CABIN1: variants seen among roughly 807,000 people sequenced by gnomAD.
The protein encoded by CABIN1 is calcineurin binding protein 1.
CABIN1 carries 133 observed loss-of-function variants against 227.7 expected under a neutral mutation model. That is an observed-to-expected ratio of 0.58 (90% confidence interval 0.51 to 0.67). The LOEUF is 0.67. Ranked by LOEUF, CABIN1 falls within the 30% of genes least tolerant of loss-of-function variation. CABIN1 has a pLI of 0.00. For missense variants in CABIN1, 2,408 were observed against 2,852.5 expected, an observed-to-expected ratio of 0.84 and a Z score of 3.55; for synonymous variants, 1,086 against 1,155.1, an observed-to-expected ratio of 0.94 and a Z score of 1.21.
intron 10 of CABIN1, among the ~76,000 whole-genome samples, chr22:24,057,084 C>T (rs758815527): frequency 2.0e-5 from 3 of 152,148 alleles, no homozygotes; most frequent in Non-Finnish European, 4.4e-5. Flanking sequence ...CTACAGGTGC[C>T]TGCCACCGCG....
chr22:24,021,324 T>C lies in CABIN1; in HGVS notation c.-75+9957T>C, dbSNP rs1388854107. Among the ~76,000 whole-genome samples, 4 of 151,920 alleles carry C rather than the reference T, an allele frequency of 2.6e-5. No homozygotes were observed. In the East Asian group the frequency reaches 5.8e-4, roughly 22 times the overall value. ...CATGAGCCACCAAGCCTGGCCATCA[T>C]TTTAAAATATTTTTGTAGAGACAGG... On this transcript the variant is annotated intron_variant, in intron 1 of 36. Transcript: ENST00000263119.
chr22:24,070,776 T>C, intron 16 of CABIN1, 24 bp from the exon 17 acceptor site: 1 of 1,614,072 alleles, frequency 6.2e-7, no homozygotes. Flanking sequence ...ACCGTGCACT[T>C]CACCTGGCTT....
At chr22:24,101,389 C>G (rs1335103695) in intron 26 of CABIN1, among the ~76,000 whole-genome samples, 1 of 152,212 alleles carries the variant, frequency 6.6e-6, no homozygotes, top group East Asian at 1.9e-4. Context: ...CACCTGCAAC[C>G]TTGTGTCACC....
chr22:24,049,121 A>G lies in CABIN1; in HGVS notation c.557A>G (p.Glu186Gly). ...TCLYFICKAL[E>G]KDCRYSKGLV... ...CTGTACTTCATCTGCAAAGCTTTGG[A>G]GAAGGATTGCCGGTACAGCAAAGGG... Residue 186 changes from glutamate to glycine, a missense_variant, in exon 7 of 37, where the codon GAG becomes GGG. Coordinates refer to ENST00000263119, the MANE Select transcript of CABIN1 (RefSeq NM_012295.4). 6.2e-7 allele frequency: 1 copy of G among 1,614,064 alleles called. No homozygotes were observed. Among genetic ancestry groups the G allele is most frequent in the African/African-American group, 1.3e-5 (1 of 75,020 alleles).
intron 6 of CABIN1, among the ~76,000 whole-genome samples, chr22:24,046,600 G>A (rs938802199): frequency 2.0e-5 from 3 of 152,160 alleles, no homozygotes; most frequent in Admixed American, 2.0e-4. Flanking sequence ...GTCTTTGTGG[G>A]AAGATTTAGG....
rs1270286344 is a variant in CABIN1 at position 24,072,503 on chromosome 22, G to A, written c.2625G>A (p.Ala875=). The change falls in exon 18 of 37, where the codon GCG becomes GCA. Residue 875 remains alanine (A), a synonymous_variant. Coordinates refer to ENST00000263119, the MANE Select transcript of CABIN1 (RefSeq NM_012295.4). The part of the protein sequence containing the change: ...LCHQQQLQNP[A]EEGMSETPML... ...ACCAGCAGCAGCTCCAAAACCCAGCGGAGGAAGGTGCACAGGCAGTGGGTG... is the reference window on the plus strand; with the variant it reads ...ACCAGCAGCAGCTCCAAAACCCAGCAGAGGAAGGTGCACAGGCAGTGGGTG... The A allele has an allele frequency of 3.7e-6, 6 of 1,614,036 alleles. No individual in the cohort carries two copies. The highest frequency in any genetic ancestry group is 3.3e-5 in the Admixed American group (2 of 60,004).
At chr22:24,073,977 C>T (rs760588565) in intron 18 of CABIN1, among the ~76,000 whole-genome samples, 3 of 151,164 alleles carry the variant, frequency 2.0e-5, no homozygotes, top group Non-Finnish European at 4.4e-5. Flanking sequence ...CGGGTCATGC[C>T]GTGATGAACA....
intron 29 of CABIN1, chr22:24,156,501 G>C (rs2045824711): frequency 6.1e-6 from 1 of 164,796 alleles, no homozygotes; most frequent in Non-Finnish European, 1.3e-5. Context: ...CTGCGCGAAA[G>C]CGAAAGCCGC....
At chr22:24,150,479 G>A (rs2045415505) in intron 29 of CABIN1, among the ~76,000 whole-genome samples, 1 of 152,186 alleles carries the variant, frequency 6.6e-6, no homozygotes, top group Non-Finnish European at 1.5e-5. Context: ...CAGTCCTGAA[G>A]GGCTGCCTGC....
At chr22:24,035,547 C>A in intron 2 of CABIN1, 27 bp downstream of exon 2, 1 of 1,613,820 alleles carries the variant, frequency 6.2e-7, no homozygotes, top group South Asian at 1.1e-5. Flanking sequence ...GCCTATTTTG[C>A]GGACCTCAGT....
At chr22:24,017,204 T>G (rs925318391) in intron 1 of CABIN1, among the ~76,000 whole-genome samples, 3 of 151,736 alleles carry the variant, frequency 2.0e-5, no homozygotes, top group Non-Finnish European at 2.9e-5. Flanking sequence ...GCCCAGCCAA[T>G]TTTTTTGTAT....
At chr22:24,159,138 G>A (rs1602412315) in intron 29 of CABIN1, among the ~76,000 whole-genome samples, 1 of 152,226 alleles carries the variant, frequency 6.6e-6, no homozygotes, top group Non-Finnish European at 1.5e-5. Flanking sequence ...TCTCCCAGGA[G>A]GCCAGGCTCT....
chr22:24,166,347 G>A (rs966671375), intron 31 of CABIN1, among the ~76,000 whole-genome samples: 1 of 152,220 alleles, frequency 6.6e-6, no homozygotes, highest in Admixed American at 6.5e-5. Flanking sequence ...CTCAGCCCAG[G>A]CCTGTTATTC....
intron 28 of CABIN1, among the ~76,000 whole-genome samples, chr22:24,130,511 A>T (rs2044006996): frequency 6.6e-6 from 1 of 152,146 alleles, no homozygotes; most frequent in African/African-American, 2.4e-5. Context: ...CACTGTGCTC[A>T]ACCCAGGAGG....
At chr22:24,129,867 G>A (rs2043968017) in intron 28 of CABIN1, among the ~76,000 whole-genome samples, 1 of 152,214 alleles carries the variant, frequency 6.6e-6, no homozygotes, top group South Asian at 2.1e-4. Flanking sequence ...GAGGGTATGG[G>A]GGAGATGAGC....
chr22:24,158,521 T>G (rs2045969478), intron 29 of CABIN1, among the ~76,000 whole-genome samples: 1 of 152,186 alleles, frequency 6.6e-6, no homozygotes, highest in Non-Finnish European at 1.5e-5. Context: ...ATGTACTGTA[T>G]TTGCTGAGTT....
chr22:24,122,261 A>G (rs2043460535), intron 28 of CABIN1, among the ~76,000 whole-genome samples: 1 of 152,156 alleles, frequency 6.6e-6, no homozygotes, highest in African/African-American at 2.4e-5. Flanking sequence ...CCACCCTAAA[A>G]CTAGCTCTCT....
intron 26 of CABIN1, among the ~76,000 whole-genome samples, chr22:24,111,460 G>C (rs2147754538): frequency 6.6e-6 from 1 of 152,328 alleles, no homozygotes; most frequent in East Asian, 1.9e-4. Flanking sequence ...ATTGTGAACT[G>C]CACATGTGAG....
intron 1 of CABIN1, among the ~76,000 whole-genome samples, chr22:24,015,125 G>T (rs1163389521): frequency 6.6e-6 from 1 of 151,660 alleles, no homozygotes; most frequent in African/African-American, 2.4e-5. Context: ...AATTAGCCGG[G>T]TGTGGTGGTG....
Sources: allele counts gnomAD v4.1 joint callset (sites outside exome capture counted in the v4.1 genomes callset), GRCh38; gene constraint gnomAD v4.1.1; transcripts MANE v1.5; gene names NCBI Gene and HGNC (gene_info 2026-07-23, HGNC 2026-07-21).